The following NPSR1 variants were observed in gnomAD, a reference collection of about 807,000 sequenced individuals.
The protein encoded by NPSR1 is neuropeptide S receptor.
NPSR1 carries 48 observed loss-of-function variants against 46.9 expected under a neutral mutation model. The observed-to-expected ratio is 1.02, with a 90% CI of 0.81 to 1.30. NPSR1 has a LOEUF of 1.30. Among genes scored for constraint, NPSR1 ranks in the 50% most tolerant of loss-of-function variants. The pLI is 0.00. For synonymous variants in NPSR1, 176 were observed against 168.1 expected, an observed-to-expected ratio of 1.05 and a Z score of -0.36; for missense variants, 450 against 449.5, an observed-to-expected ratio of 1.00 and a Z score of -0.01.
chr7:34,815,136 C>A (rs1017299199), intron 4 of NPSR1, among the ~76,000 whole-genome samples: 9 of 152,148 alleles, frequency 5.9e-5, no homozygotes, highest in African/African-American at 1.7e-4. Flanking sequence ...GCTAAAGGAG[C>A]ATGTTCAAAC....
intron 2 of NPSR1, among the ~76,000 whole-genome samples, chr7:34,716,273 A>G (rs545459619): frequency 2.1e-4 from 32 of 152,292 alleles, no homozygotes; most frequent in African/African-American, 7.7e-4. Context: ...ATGGACAGAC[A>G]TATAATTACT....
At chr7:34,849,194 T>A in intron 8 of NPSR1, 2 of 659,736 alleles carry the variant, frequency 3.0e-6, no homozygotes, top group Non-Finnish European at 5.4e-6. Context: ...AAGAGGAGAA[T>A]GATTTAAGTC....
At chr7:34,848,701 G>T in intron 8 of NPSR1, 38 bp downstream of exon 8, 1 of 1,566,854 alleles carries the variant, frequency 6.4e-7, no homozygotes. Flanking sequence ...CACACTGATG[G>T]CCATTGCACT....
chr7:34,773,686 A>C (rs1419968071), intron 2 of NPSR1, among the ~76,000 whole-genome samples: 1 of 152,154 alleles, frequency 6.6e-6, no homozygotes, highest in Non-Finnish European at 1.5e-5. Flanking sequence ...AATCAGCAGT[A>C]GCTAGATTTA....
At chr7:34,679,364 GAA>G (rs1339294685) in intron 1 of NPSR1, among the ~76,000 whole-genome samples, 16 of 151,974 alleles carry the variant, frequency 1.1e-4, no homozygotes, top group Admixed American at 1.0e-3. Context: ...AACATAGTTA[GAA>G]ATATATAGAT....
At chr7:34,770,237 C>T (rs1414174562) in intron 2 of NPSR1, among the ~76,000 whole-genome samples, 3 of 152,120 alleles carry the variant, frequency 2.0e-5, no homozygotes, top group Admixed American at 6.5e-5. Context: ...AAGTCCATTC[C>T]GTTCATTCAT....
intron 2 of NPSR1, among the ~76,000 whole-genome samples, chr7:34,727,765 C>G (rs1431255879): frequency 6.6e-6 from 1 of 152,194 alleles, no homozygotes; most frequent in African/African-American, 2.4e-5. Context: ...GAGCTGAGAG[C>G]AGTCTATTAA....
chr7:34,748,158 A>T (rs1785310469), intron 2 of NPSR1, among the ~76,000 whole-genome samples: 1 of 152,232 alleles, frequency 6.6e-6, no homozygotes, highest in Non-Finnish European at 1.5e-5. Flanking sequence ...CCCTGATCTC[A>T]GTCTGACAAA....
intron 8 of NPSR1, among the ~76,000 whole-genome samples, chr7:34,864,940 G>T (rs1396800021): frequency 1.3e-5 from 2 of 151,862 alleles, no homozygotes; most frequent in East Asian, 1.9e-4. Flanking sequence ...CTCCCTTATG[G>T]TTAACTCTGT....
At chr7:34,662,701 C>A (rs2128669195) in intron 1 of NPSR1, among the ~76,000 whole-genome samples, 1 of 152,220 alleles carries the variant, frequency 6.6e-6, no homozygotes, top group East Asian at 1.9e-4. Context: ...ACATATTATT[C>A]CTTCCTGCCA....
chr7:34,858,772 C>T (rs13309564), intron 8 of NPSR1, among the ~76,000 whole-genome samples: 1 of 151,674 alleles, frequency 6.6e-6, no homozygotes, highest in Non-Finnish European at 1.5e-5. Context: ...ACAAGAACAG[C>T]ACAGGAAAGA....
intron 2 of NPSR1, among the ~76,000 whole-genome samples, chr7:34,692,877 A>C (rs1316780546): frequency 6.6e-6 from 1 of 152,220 alleles, no homozygotes; most frequent in Non-Finnish European, 1.5e-5. Context: ...AAGATGATTG[A>C]CATAGTTTGG....
At position 34,823,399 on chromosome 7, in the gene NPSR1, G is replaced by GAAAAAGAAAAAAA. The variant is rs1554336128; in HGVS notation, c.479-3997_479-3996insGAAAAAAAAAAAA. 2.2e-3 allele frequency among the ~76,000 whole-genome samples: 149 copies of GAAAAAGAAAAAAA among 68,250 alleles called. 6 individuals are homozygous for GAAAAAGAAAAAAA. Among genetic ancestry groups the GAAAAAGAAAAAAA allele is most frequent in the African/African-American group, 7.3e-3 (142 of 19,546 alleles). The allele number at this position is 68,250 out of a possible 152,430, so 44.8% of individuals were successfully genotyped here. ...TTGGCAACAGAGCAAGACTTCACCA[G>GAAAAAGAAAAAAA]AAAAAAAAAAAAAAAAACAACACCA... is the stretch of plus-strand genomic sequence containing the variant. On this transcript the variant is annotated intron_variant, in intron 4 of 8. Coordinates refer to ENST00000360581, the MANE Select transcript of NPSR1 (RefSeq NM_207172.2).
chr7:34,860,223 G>A (rs1297153002), intron 8 of NPSR1, among the ~76,000 whole-genome samples: 1 of 151,686 alleles, frequency 6.6e-6, no homozygotes, highest in Non-Finnish European at 1.5e-5. Flanking sequence ...GAGGTGTTTT[G>A]AGGGCTATAC....
chr7:34,868,611 CCTCCCA>C, intron 8 of NPSR1, among the ~76,000 whole-genome samples: 1 of 151,730 alleles, frequency 6.6e-6, no homozygotes, highest in African/African-American at 2.4e-5. Context: ...AAGAGAGAAA[CCTCCCA>C]CTAAGGGAAG....
At chr7:34,807,893 CCCA>C (rs1224785435) in intron 3 of NPSR1, among the ~76,000 whole-genome samples, 1 of 151,834 alleles carries the variant, frequency 6.6e-6, no homozygotes, top group African/African-American at 2.4e-5. Flanking sequence ...GCCCCTACCC[CCCA>C]CCACCACCAC....
chr7:34,767,887 A>G (rs183079648), intron 2 of NPSR1, among the ~76,000 whole-genome samples: 12 of 152,296 alleles, frequency 7.9e-5, no homozygotes, highest in Non-Finnish European at 1.5e-4. Context: ...TAAATCAGAG[A>G]AATTCTTAAA....
At chr7:34,751,746 C>A in intron 2 of NPSR1, 1 of 1,586,498 alleles carries the variant, frequency 6.3e-7, no homozygotes, top group Non-Finnish European at 8.7e-7. Context: ...TGGTTCTCTT[C>A]TCTTCTAGCT....
intron 2 of NPSR1, among the ~76,000 whole-genome samples, chr7:34,704,542 A>G (rs1794004355): frequency 6.6e-6 from 1 of 152,202 alleles, no homozygotes; most frequent in African/African-American, 2.4e-5. Context: ...AAAATATTTA[A>G]TGTATACTAA....
Sources: allele counts gnomAD v4.1 joint callset (sites outside exome capture counted in the v4.1 genomes callset), GRCh38; gene constraint gnomAD v4.1.1; transcripts MANE v1.5; gene names NCBI Gene and HGNC (gene_info 2026-07-23, HGNC 2026-07-21).